TMCO4: variants seen among roughly 807,000 people sequenced by gnomAD.
TMCO4 encodes the protein transmembrane and coiled-coil domains 4, also known as transmembrane and coiled-coil domain-containing protein 4.
In TMCO4, 58 loss-of-function variants were observed where a neutral mutation model predicts 64.7. The ratio of observed to expected loss-of-function variants is 0.90; its 90% CI spans 0.73 to 1.12. The LOEUF (loss-of-function observed/expected upper bound fraction) is 1.12, where lower values mean the gene tolerates loss of function less well. Among genes scored for constraint, TMCO4 ranks in the 50% most tolerant of loss-of-function variants. The pLI is 0.00. For missense variants in TMCO4, 780 were observed against 825.9 expected, an observed-to-expected ratio of 0.94 and a Z score of 0.68; for synonymous variants, 325 against 346.1, an observed-to-expected ratio of 0.94 and a Z score of 0.68.
chr1:19,786,621 G>T (rs980814661), intron 3 of TMCO4, among the ~76,000 whole-genome samples: 16 of 152,224 alleles, frequency 1.1e-4, no homozygotes, highest in African/African-American at 3.9e-4. Context: ...GGCCAAGTTC[G>T]TCTCACTAAG....
Position 19,732,432 on chromosome 1 carries a change from T to C in TMCO4, c.1264+4940A>G, listed in dbSNP as rs544428326. On this transcript the variant is annotated intron_variant, in intron 13 of 15. Transcript: ENST00000294543. The surrounding 1 kb of genome is among the most constrained non-coding windows in gnomAD (Gnocchi z 4.8). Reference sequence around the variant, plus strand: ...CCTCCCACCTCAGCCTCCCAAAGTGTTGGGATTACAGGCATGAGCCACTGG... The same window carrying C: ...CCTCCCACCTCAGCCTCCCAAAGTGCTGGGATTACAGGCATGAGCCACTGG... Among the ~76,000 whole-genome samples, 23 of 152,224 alleles carry C rather than the reference T, an allele frequency of 1.5e-4. No homozygotes were observed. Among genetic ancestry groups the C allele is most frequent in the African/African-American group, 5.1e-4 (21 of 41,534 alleles).
intron 13 of TMCO4, among the ~76,000 whole-genome samples, chr1:19,716,749 G>A (rs929417010): frequency 1.3e-5 from 2 of 152,090 alleles, no homozygotes; most frequent in African/African-American, 4.8e-5. Flanking sequence ...CGTGCAGATG[G>A]AGGAGACACC....
At chr1:19,784,261 C>T (rs1016795061) in intron 3 of TMCO4, among the ~76,000 whole-genome samples, 1 of 152,140 alleles carries the variant, frequency 6.6e-6, no homozygotes, top group Non-Finnish European at 1.5e-5. Flanking sequence ...AGGCTGGGCG[C>T]GGTAGCTCAC....
At chr1:19,796,699 T>C (rs111487046) in intron 2 of TMCO4, among the ~76,000 whole-genome samples, 18,487 of 152,008 alleles carry the variant, frequency 0.12, 2,160 homozygotes, top group African/African-American at 0.31. Flanking sequence ...CTCAGCTTCC[T>C]GAGTAGCTGG....
intron 3 of TMCO4, among the ~76,000 whole-genome samples, chr1:19,785,005 C>T (rs1334693638): frequency 6.6e-6 from 1 of 152,210 alleles, no homozygotes; most frequent in Non-Finnish European, 1.5e-5. Context: ...AATCCGGTTG[C>T]TGCCTGCCAC....
At chr1:19,772,519 G>C (rs1179735824) in intron 4 of TMCO4, among the ~76,000 whole-genome samples, 1 of 152,116 alleles carries the variant, frequency 6.6e-6, no homozygotes, top group Non-Finnish European at 1.5e-5. Flanking sequence ...GCATTTGGGG[G>C]GATGATGGCA....
At chr1:19,766,799 G>A (rs1212254521) in intron 6 of TMCO4, among the ~76,000 whole-genome samples, 4 of 152,146 alleles carry the variant, frequency 2.6e-5, no homozygotes, top group South Asian at 4.1e-4. Flanking sequence ...CTGGTTATTC[G>A]TTAGAACAGA....
rs754466348 is a variant in TMCO4, at chr1:19,745,549, A to G, written c.860T>C (p.Leu287Pro). 1.9e-6 allele frequency: 3 copies of G among 1,614,082 alleles called. No homozygotes were observed. The highest frequency in any genetic ancestry group is 2.5e-6 in the Non-Finnish European group (3 of 1,180,010). Reference protein sequence around the residue: ...LHITIAVTGWLASGKYRTFSA... With the variant: ...LHITIAVTGWPASGKYRTFSA... ...GTCCTCACGGTATTTGCCAGAAGCG[A>G]GCCACCCCGTGACGGCGATGGTGAT... The change falls in exon 10 of 16, where the codon CTC becomes CCC. Residue 287 changes from leucine (L) to proline (P), a missense_variant. Leu to Pro is a moderately conservative substitution (Grantham distance 98). Transcript: ENST00000294543.
chr1:19,778,213 T>G (rs1245474552), intron 4 of TMCO4, among the ~76,000 whole-genome samples: 1 of 152,164 alleles, frequency 6.6e-6, no homozygotes, highest in African/African-American at 2.4e-5. Flanking sequence ...GGCACTGTGC[T>G]GTGTGCTTTG....
chr1:19,756,385 A>C (rs191494797), intron 6 of TMCO4, among the ~76,000 whole-genome samples: 15 of 152,314 alleles, frequency 9.8e-5, no homozygotes, highest in African/African-American at 3.6e-4. Flanking sequence ...ACTGGTATAA[A>C]CTTTCTGGAG....
In TMCO4 at chr1:19,695,158, G is replaced by C. The variant is rs75263350; in HGVS notation, c.1383-607C>G. Among the ~76,000 whole-genome samples, 518 of 152,300 alleles carry C rather than the reference G, an allele frequency of 3.4e-3. 5 individuals carry two copies. Among genetic ancestry groups the C allele is most frequent in the African/African-American group, 0.012 (489 of 41,560 alleles). Reference sequence around the variant, plus strand: ...TGGTTGTCCAGGCAGTCACAGCGCTGGGAACATTCCTCTACTTTCAGGGGT... The same window carrying C: ...TGGTTGTCCAGGCAGTCACAGCGCTCGGAACATTCCTCTACTTTCAGGGGT... On this transcript the variant is annotated intron_variant, in intron 14 of 15. Transcript: ENST00000294543.
chr1:19,737,439 G>A lies in TMCO4; in HGVS notation c.1197C>T (p.Thr399=), dbSNP rs141983335. Residue 399 remains threonine (T), a synonymous_variant, in exon 13 of 16, where the codon ACC becomes ACT. Coordinates refer to ENST00000294543, the MANE Select transcript of TMCO4 (RefSeq NM_181719.7). The part of the protein sequence containing the change: ...LSRQQGRRPV[T]LIGFSLGARV... ...TGGCTCCCAGGCTGAAGCCAATCAA[G>A]GTGACAGGTCGTCGCCCCTGAAGGG... is the stretch of plus-strand genomic sequence containing the variant. 8 of 1,613,896 alleles carry A rather than the reference G, an allele frequency of 5.0e-6. No homozygotes were observed. In the African/African-American group the frequency reaches 8.0e-5, roughly 16 times the overall value.
chr1:19,710,017 G>C (rs974053470), intron 13 of TMCO4, among the ~76,000 whole-genome samples: 1 of 151,960 alleles, frequency 6.6e-6, no homozygotes, highest in African/African-American at 2.4e-5. Context: ...TCGACCTCAG[G>C]TGTTCTGCCC....
intron 2 of TMCO4, among the ~76,000 whole-genome samples, chr1:19,796,576 T>A (rs745788747): frequency 3.3e-5 from 5 of 152,222 alleles, no homozygotes; most frequent in Non-Finnish European, 7.4e-5. Context: ...ATTTTTATTT[T>A]TTTTATTTTA....
At chr1:19,772,494 G>A (rs536566957) in intron 4 of TMCO4, among the ~76,000 whole-genome samples, 1 of 152,222 alleles carries the variant, frequency 6.6e-6, no homozygotes, top group Non-Finnish European at 1.5e-5. Context: ...GAGACACAGA[G>A]GTGGGGAGCC....
At chr1:19,759,663 G>A (rs2042413313) in intron 6 of TMCO4, among the ~76,000 whole-genome samples, 1 of 152,128 alleles carries the variant, frequency 6.6e-6, no homozygotes, top group South Asian at 2.1e-4. Flanking sequence ...CTGCTCAGCT[G>A]CCCTTTCCCA....
At chr1:19,731,274 G>C (rs1166979708) in intron 13 of TMCO4, among the ~76,000 whole-genome samples, 3 of 152,162 alleles carry the variant, frequency 2.0e-5, no homozygotes, top group Non-Finnish European at 4.4e-5. Context: ...CCATCCATCA[G>C]GGAGGGATTG....
At chr1:19,685,935 G>A (rs2095145504) in intron 15 of TMCO4, among the ~76,000 whole-genome samples, 1 of 151,966 alleles carries the variant, frequency 6.6e-6, no homozygotes, top group Non-Finnish European at 1.5e-5. Flanking sequence ...CACTGTGTTA[G>A]CCAGGATGGT....
intron 4 of TMCO4, among the ~76,000 whole-genome samples, chr1:19,773,387 C>T (rs2101034825): frequency 6.6e-6 from 1 of 152,010 alleles, no homozygotes; most frequent in East Asian, 1.9e-4. Context: ...CTCAGCAGCC[C>T]CTGCAGGGAG....
Sources: allele counts gnomAD v4.1 joint callset (sites outside exome capture counted in the v4.1 genomes callset), GRCh38; gene constraint gnomAD v4.1.1; non-coding constraint Gnocchi (gnomAD v3.1); transcripts MANE v1.5; gene names NCBI Gene and HGNC (gene_info 2026-07-23, HGNC 2026-07-21).